Variants in SNX5 observed in about 807,000 individuals in gnomAD.
SNX5 encodes the protein sorting nexin-5.
A neutral mutation model predicts 53.9 loss-of-function variants in SNX5; 31 were observed. The ratio of observed to expected loss-of-function variants is 0.58; its 90% CI spans 0.43 to 0.78. SNX5 has a LOEUF of 0.78. SNX5 is among the 30% of genes least tolerant of loss of function. The pLI, the probability that SNX5 is intolerant of heterozygous loss-of-function variation, is 0.00. For missense variants in SNX5, 471 were observed against 478.8 expected (o/e 0.98, Z 0.15); for synonymous variants, 168 against 171.1 (o/e 0.98, Z 0.14).
At chr20:17,962,912 A>G (rs780388762) in intron 1 of SNX5, 2 of 518,690 alleles carry the variant, frequency 3.9e-6, no homozygotes, top group Non-Finnish European at 7.7e-6. Flanking sequence ...AGTGCAGCGC[A>G]CTCAGCGAAT....
rs562683547 is a variant in SNX5, at chr20:17,957,525, A to G, written c.52-488T>C. Among the ~76,000 whole-genome samples the G allele has an allele frequency of 1.7e-4, 26 of 152,366 alleles. No individual in the cohort carries two copies. In the South Asian group the frequency reaches 5.2e-3, roughly 30 times the overall value. ...TTTATGTGAAACTGAGGGGAAACCC[A>G]TTCTTCACATGCATTGGTATATCCG... is the stretch of plus-strand genomic sequence containing the variant. On this transcript the variant is annotated intron_variant, in intron 1 of 12. Transcript: ENST00000377759.
In SNX5 at chr20:17,947,625, G is replaced by A. The variant is rs373050708; in HGVS notation, c.939C>T (p.Thr313=). ...AGTTCTCATAGTCAATGAGGGCTTT[G>A]GTGCGTCTGTATAAGAGATCCTGGG... The part of the protein sequence containing the change: ...EAAKDLLYRR[T]KALIDYENSN... The change falls in exon 11 of 13, where the codon ACC becomes ACT. Residue 313 remains threonine, a synonymous_variant. Transcript: ENST00000377759. 4.3e-6 allele frequency: 7 copies of A among 1,613,622 alleles called. No individual in the cohort carries two copies. In the African/African-American group the frequency reaches 9.3e-5, roughly 22 times the overall value.
intron 1 of SNX5, among the ~76,000 whole-genome samples, chr20:17,963,841 C>G (rs2035495879): frequency 6.6e-6 from 1 of 152,234 alleles, no homozygotes; most frequent in African/African-American, 2.4e-5. Flanking sequence ...CCTTGGTCAT[C>G]TCAGTTTGAA....
intron 5 of SNX5, among the ~76,000 whole-genome samples, chr20:17,951,999 G>A (rs2039576701): frequency 6.6e-6 from 1 of 152,202 alleles, no homozygotes; most frequent in Non-Finnish European, 1.5e-5. Context: ...CAAGGCGGGC[G>A]GATCACGAGG....
intron 1 of SNX5, among the ~76,000 whole-genome samples, chr20:17,965,565 G>A (rs1053977218): frequency 2.6e-5 from 4 of 151,626 alleles, no homozygotes; most frequent in Non-Finnish European, 4.4e-5. Context: ...AGCTACTCAG[G>A]AGGCTGAGGT....
At chr20:17,956,687 A>C (rs1279369407) in intron 2 of SNX5, among the ~76,000 whole-genome samples, 7 of 87,870 alleles carry the variant, frequency 8.0e-5, no homozygotes, top group African/African-American at 1.4e-4. Flanking sequence ...AAAAAAAAAA[A>C]AAAAAAAAAA....
At chr20:17,953,601 C>T (rs903601296) in intron 4 of SNX5, among the ~76,000 whole-genome samples, 1 of 152,174 alleles carries the variant, frequency 6.6e-6, no homozygotes, top group Admixed American at 6.5e-5. Context: ...CAACACATGA[C>T]GAAACCCCCA....
At chr20:17,967,743 G>A (rs1328513351) in intron 1 of SNX5, 1 of 239,952 alleles carries the variant, frequency 4.2e-6, no homozygotes, top group Admixed American at 5.6e-5. Flanking sequence ...TAATCTTTTA[G>A]ACCTCAAGAT....
intron 1 of SNX5, among the ~76,000 whole-genome samples, chr20:17,965,670 CA>C (rs74179147): frequency 4.0e-3 from 384 of 97,054 alleles, no homozygotes; most frequent in Middle Eastern, 6.2e-3. Context: ...GACCCTGTCT[CA>C]AAAAAAAAAA....
chr20:17,951,508 C>T lies in SNX5; in HGVS notation c.601G>A (p.Gly201Arg), dbSNP rs775569763. The T allele has an allele frequency of 6.2e-7, 1 of 1,609,168 alleles. No homozygotes were observed. The highest frequency in any genetic ancestry group is 1.1e-5 in the South Asian group (1 of 90,916). ...AGCCAAAGGTCACTTACCTTAACTCCAGTAAAAAGGACTTCATCAGCACTT... is the reference window on the plus strand; with the variant it reads ...AGCCAAAGGTCACTTACCTTAACTCTAGTAAAAAGGACTTCATCAGCACTT... ...VKSADEVLFT[G>R]VKEVDDFFEQ... is the part of the protein sequence containing the mutation. The change falls in exon 6 of 13, where the codon GGA becomes AGA. Residue 201 changes from glycine (G) to arginine (R), a missense_variant. Physicochemically the swap from Gly to Arg is moderately radical, Grantham distance 125. Coordinates refer to ENST00000377759, the MANE Select transcript of SNX5 (RefSeq NM_014426.4).
At chr20:17,950,987 G>A (rs1019509624) in intron 6 of SNX5, 1 of 156,554 alleles carries the variant, frequency 6.4e-6, no homozygotes, top group African/African-American at 2.4e-5. Context: ...ACAAAGGAAT[G>A]AGAAGGCCCG....
intron 2 of SNX5, 94 bp from the exon 3 acceptor site, chr20:17,955,569 A>G (rs1600344770): frequency 1.3e-6 from 1 of 753,002 alleles, no homozygotes; most frequent in Non-Finnish European, 2.3e-6. Flanking sequence ...TCTGCATAAT[A>G]CATCATAATA....
chr20:17,964,552 A>G (rs2035507625), intron 1 of SNX5, among the ~76,000 whole-genome samples: 3 of 152,206 alleles, frequency 2.0e-5, no homozygotes, highest in African/African-American at 4.8e-5. Context: ...GGCCAATCAG[A>G]AAACAGGTAT....
At chr20:17,944,209 A>G (rs1245526377) in intron 11 of SNX5, 2 of 152,188 alleles carry the variant, frequency 1.3e-5, no homozygotes, top group Non-Finnish European at 2.9e-5. Context: ...GAAGGTGGGA[A>G]AGAGAATGGG....
chr20:17,954,595 G>A (rs1438693215), intron 3 of SNX5, among the ~76,000 whole-genome samples: 1 of 152,158 alleles, frequency 6.6e-6, no homozygotes, highest in East Asian at 1.9e-4. Flanking sequence ...ATCATTTGGA[G>A]AGCTTCTTCA....
In SNX5 at chr20:17,961,807, G is replaced by A. The variant is rs190560648; in HGVS notation, c.52-4770C>T. ...ATTTTGCCAGCAAGAGGGCCAATAT[G>A]ACAAATCATCGATGATTCTTAGCAT... On this transcript the variant is annotated intron_variant, in intron 1 of 12. Coordinates refer to ENST00000377759, the MANE Select transcript of SNX5 (RefSeq NM_014426.4). 4 of 985,376 alleles carry A rather than the reference G, an allele frequency of 4.1e-6. No homozygotes were observed. The African/African-American group carries it at 7.0e-5, about 17-fold the overall frequency. 61.0% of individuals were successfully genotyped at this position (985,376 alleles called of 1,614,324 possible).
intron 6 of SNX5, 148 bp from the exon 7 acceptor site, chr20:17,950,544 T>C (rs2039552597): frequency 3.5e-6 from 2 of 577,222 alleles, no homozygotes; most frequent in East Asian, 5.8e-5. Flanking sequence ...GAATTACAAA[T>C]TTACGATACT....
At chr20:17,952,177 C>T (rs928808876) in intron 5 of SNX5, among the ~76,000 whole-genome samples, 2 of 152,108 alleles carry the variant, frequency 1.3e-5, no homozygotes, top group African/African-American at 2.4e-5. Flanking sequence ...AAGCCGAGAT[C>T]GCGCCACTGC....
chr20:17,963,867 T>C (rs2035496223), intron 1 of SNX5, among the ~76,000 whole-genome samples: 1 of 151,876 alleles, frequency 6.6e-6, no homozygotes, highest in South Asian at 2.1e-4. Context: ...AATGGCAGCA[T>C]GGAGAGCAGG....
Sources: gnomAD v4.1 joint callset for allele counts (sites outside exome capture counted in the v4.1 genomes callset) on GRCh38, gnomAD v4.1.1 for gene constraint, MANE v1.5 for transcripts, NCBI Gene and HGNC (gene_info 2026-07-23, HGNC 2026-07-21) for gene names.